FAM227B: variants seen among roughly 807,000 people sequenced by gnomAD.
FAM227B encodes family with sequence similarity 227 member B, also known as protein FAM227B.
A neutral mutation model predicts 73.8 loss-of-function variants in FAM227B; 88 were observed. The observed-to-expected ratio is 1.19, with a 90% CI of 1.00 to 1.42. The LOEUF is 1.42. Among genes scored for constraint, FAM227B ranks in the 40% most tolerant of loss-of-function variants. FAM227B has a pLI of 0.00. For missense variants in FAM227B, 632 were observed against 590.9 expected, an observed-to-expected ratio of 1.07 and a Z score of -0.72; for synonymous variants, 210 against 190.5, an observed-to-expected ratio of 1.10 and a Z score of -0.84.
intron 1 of FAM227B, among the ~76,000 whole-genome samples, chr15:49,615,799 C>T (rs2078253174): frequency 6.6e-6 from 1 of 152,160 alleles, no homozygotes; most frequent in Non-Finnish European, 1.5e-5. Flanking sequence ...TACTACGTCA[C>T]ATGACAAACG....
At chr15:49,362,141 T>C (rs1482969645) in intron 13 of FAM227B, among the ~76,000 whole-genome samples, 1 of 152,128 alleles carries the variant, frequency 6.6e-6, no homozygotes, top group Non-Finnish European at 1.5e-5. Flanking sequence ...ATAGTTTGGC[T>C]CTGTGTCCCC....
At chr15:49,451,989 TATG>T (rs1280121186) in intron 11 of FAM227B, among the ~76,000 whole-genome samples, 1 of 152,160 alleles carries the variant, frequency 6.6e-6, no homozygotes, top group Non-Finnish European at 1.5e-5. Context: ...TTTCTCTCAA[TATG>T]ATATCTTATA....
At chr15:49,572,283 C>A (rs959338708) in intron 8 of FAM227B, among the ~76,000 whole-genome samples, 1 of 151,992 alleles carries the variant, frequency 6.6e-6, no homozygotes, top group African/African-American at 2.4e-5. Flanking sequence ...TTGTTACAAA[C>A]AGAGATATTT....
At chr15:49,502,088 G>A (rs2058183145) in intron 11 of FAM227B, among the ~76,000 whole-genome samples, 1 of 152,190 alleles carries the variant, frequency 6.6e-6, no homozygotes, top group Non-Finnish European at 1.5e-5. Context: ...AAAAAGCCTG[G>A]TTGCCCAAGC....
At chr15:49,402,304 T>C (rs2048220562) in intron 11 of FAM227B, among the ~76,000 whole-genome samples, 1 of 152,202 alleles carries the variant, frequency 6.6e-6, no homozygotes, top group Non-Finnish European at 1.5e-5. Context: ...TATAAATTGT[T>C]AGGAAAAGTT....
At chr15:49,525,990 C>T (rs897818144) in intron 10 of FAM227B, among the ~76,000 whole-genome samples, 4 of 151,668 alleles carry the variant, frequency 2.6e-5, no homozygotes, top group African/African-American at 9.7e-5. Context: ...GACCTAGATA[C>T]CATCAAGGTA....
intron 11 of FAM227B, among the ~76,000 whole-genome samples, chr15:49,383,502 TG>T (rs2046674352): frequency 6.6e-6 from 1 of 152,136 alleles, no homozygotes; most frequent in African/African-American, 2.4e-5. Context: ...CCAAAACATT[TG>T]TATGACTCAC....
At chr15:49,471,072 A>G (rs895064154) in intron 11 of FAM227B, among the ~76,000 whole-genome samples, 16 of 152,352 alleles carry the variant, frequency 1.1e-4, no homozygotes, top group African/African-American at 3.6e-4. Flanking sequence ...ACTCTTTTCT[A>G]TGCTACAGCT....
intron 11 of FAM227B, among the ~76,000 whole-genome samples, chr15:49,471,872 T>C (rs571207209): frequency 6.4e-4 from 98 of 152,270 alleles, no homozygotes; most frequent in Non-Finnish European, 1.2e-3. Flanking sequence ...GCTAACTAAA[T>C]GCTGACACAT....
At chr15:49,619,436 T>G (rs1015866969) in intron 1 of FAM227B, among the ~76,000 whole-genome samples, 3 of 152,162 alleles carry the variant, frequency 2.0e-5, no homozygotes, top group African/African-American at 7.2e-5. Flanking sequence ...CCTTTGGAGC[T>G]CTGAGTTTAA....
chr15:49,619,501 G>T (rs2078523103), intron 1 of FAM227B, among the ~76,000 whole-genome samples: 1 of 152,294 alleles, frequency 6.6e-6, no homozygotes, highest in Admixed American at 6.5e-5. Context: ...CGGCCATATA[G>T]TTACAGAAGC....
At chr15:49,462,629 T>C (rs2053907760) in intron 11 of FAM227B, among the ~76,000 whole-genome samples, 1 of 152,204 alleles carries the variant, frequency 6.6e-6, no homozygotes, top group Non-Finnish European at 1.5e-5. Flanking sequence ...ACAGTAACTC[T>C]TACCAAGAAG....
In FAM227B at chr15:49,541,749, C is replaced by A; in HGVS notation, c.805G>T (p.Glu269Ter). 6.5e-7 allele frequency: 1 copy of A among 1,543,024 alleles called. No individual in the cohort carries two copies. Among genetic ancestry groups the A allele is most frequent in the South Asian group, 1.3e-5 (1 of 76,794 alleles). Residue 269 changes from glutamate (E) to a stop codon, truncating the protein, a stop_gained, in exon 10 of 16, where the codon GAA becomes TAA. Transcript: ENST00000299338. LOFTEE classifies it high-confidence loss of function. Reference protein sequence around the residue: ...IYATFHEAFPESSYLFNDEFK... With the variant: ...IYATFHEAFP Reference sequence around the variant, plus strand: ...TCATCATTAAAGAGGTAACTCGATTCTGGAAATGCTTCATGGAACGTTGCA... The same window carrying A: ...TCATCATTAAAGAGGTAACTCGATTATGGAAATGCTTCATGGAACGTTGCA...
rs183445955 is a variant in FAM227B, at chr15:49,422,420, T to A, written c.1013-51021A>T. ...TATAATTCCATCTCTAAATTAACAT[T>A]TATTGTTCCAATATTCTTATTGAGG... On this transcript the variant is annotated intron_variant, in intron 11 of 15. Coordinates refer to ENST00000299338, the MANE Select transcript of FAM227B (RefSeq NM_152647.3). 1.1e-5 allele frequency: 7 copies of A among 611,048 alleles called. No homozygotes were observed. In the East Asian group the frequency reaches 2.9e-4, roughly 25 times the overall value. The allele number at this position is 611,048 out of a possible 1,614,324, so 37.9% of individuals were successfully genotyped here. A position where few individuals can be genotyped will look rare whatever the true frequency, so the allele number is the denominator to read the frequency against.
At position 49,614,317 on chromosome 15, in the gene FAM227B, G is replaced by A. The variant is rs144331666; in HGVS notation, c.51+804C>T. On this transcript the variant is annotated intron_variant, in intron 2 of 15. Transcript: ENST00000299338. Reference sequence around the variant, plus strand: ...CCATGATAATAATAAGACAAACTTGGACAAAAAAAAAATCATATTTTTCTA... The same window carrying A: ...CCATGATAATAATAAGACAAACTTGAACAAAAAAAAAATCATATTTTTCTA... Among the ~76,000 whole-genome samples the A allele has an allele frequency of 1.3e-3, 202 of 151,302 alleles. 3 individuals are homozygous for A. The East Asian group carries it at 0.035, about 26-fold the overall frequency.
chr15:49,518,426 A>G (rs1196930447), intron 10 of FAM227B, among the ~76,000 whole-genome samples: 1 of 152,164 alleles, frequency 6.6e-6, no homozygotes, highest in East Asian at 1.9e-4. Flanking sequence ...AGAACACTGT[A>G]TTAGTTCAAT....
intron 10 of FAM227B, among the ~76,000 whole-genome samples, chr15:49,516,357 A>G (rs530986207): frequency 6.6e-6 from 1 of 152,176 alleles, no homozygotes; most frequent in South Asian, 2.1e-4. Flanking sequence ...AATTTCTGCT[A>G]AATTGTTATT....
chr15:49,397,077 G>T (rs936951187), intron 11 of FAM227B, among the ~76,000 whole-genome samples: 1 of 152,042 alleles, frequency 6.6e-6, no homozygotes, highest in Non-Finnish European at 1.5e-5. Flanking sequence ...CAAACCAAAG[G>T]CAAAGAAGTT....
At chr15:49,530,233 CA>C (rs2060509511) in intron 10 of FAM227B, among the ~76,000 whole-genome samples, 1 of 151,730 alleles carries the variant, frequency 6.6e-6, no homozygotes, top group Non-Finnish European at 1.5e-5. Context: ...GAGATTCACA[CA>C]GAATGGTTTT....
Sources: gnomAD v4.1 joint callset for allele counts (sites outside exome capture counted in the v4.1 genomes callset) on GRCh38, gnomAD v4.1.1 for gene constraint, MANE v1.5 for transcripts, NCBI Gene and HGNC (gene_info 2026-07-23, HGNC 2026-07-21) for gene names.